Variants in FBXL17 observed in about 807,000 individuals in gnomAD.
FBXL17 encodes the protein F-box/LRR-repeat protein 17.
Under a neutral mutation model 66.2 loss-of-function variants are expected in FBXL17, and 22 were observed. That is an observed-to-expected ratio of 0.33 (90% CI 0.24 to 0.47). The LOEUF (loss-of-function observed/expected upper bound fraction) is 0.47, where lower values mean the gene tolerates loss of function less well. Ranked by LOEUF, FBXL17 falls within the 20% of genes least tolerant of loss-of-function variation. The pLI is 1.00. For missense variants in FBXL17, 878 were observed against 948.2 expected (o/e 0.93, Z 0.97); for synonymous variants, 474 against 400.5 (o/e 1.18, Z -2.19).
chr5:108,340,945 C>A (rs1180230844), intron 4 of FBXL17, among the ~76,000 whole-genome samples: 1 of 152,096 alleles, frequency 6.6e-6, no homozygotes, highest in Admixed American at 6.5e-5. Context: ...AGTGATTTGA[C>A]ATGATATAGA....
chr5:107,945,580 A>G (rs1436417627), intron 7 of FBXL17, among the ~76,000 whole-genome samples: 3 of 152,202 alleles, frequency 2.0e-5, no homozygotes, highest in Non-Finnish European at 4.4e-5. Flanking sequence ...AAATCTCAAA[A>G]GCATAATGCC....
intron 6 of FBXL17, among the ~76,000 whole-genome samples, chr5:108,030,742 A>C (rs17440916): frequency 2.0e-5 from 3 of 152,006 alleles, no homozygotes; most frequent in African/African-American, 4.8e-5. Context: ...TTGAGAGTTC[A>C]GGAGAAATAG....
At chr5:108,364,536 C>T (rs1276565494) in intron 3 of FBXL17, among the ~76,000 whole-genome samples, 1 of 151,920 alleles carries the variant, frequency 6.6e-6, no homozygotes, top group African/African-American at 2.4e-5. Flanking sequence ...CAGGCTCTCA[C>T]TATAAAACAA....
intron 4 of FBXL17, among the ~76,000 whole-genome samples, chr5:108,236,985 G>A (rs1459321207): frequency 6.6e-6 from 1 of 152,120 alleles, no homozygotes. Flanking sequence ...GAATAGTTTG[G>A]TTGTCTGACT....
chr5:108,353,853 C>T (rs917714587), intron 3 of FBXL17, among the ~76,000 whole-genome samples: 5 of 152,226 alleles, frequency 3.3e-5, no homozygotes, highest in Admixed American at 2.0e-4. Context: ...CATTCCTCCT[C>T]TCCCCACACC....
At chr5:108,210,746 T>C (rs981692278) in intron 5 of FBXL17, among the ~76,000 whole-genome samples, 19 of 152,206 alleles carry the variant, frequency 1.2e-4, no homozygotes, top group Admixed American at 1.1e-3. Context: ...TGGTCAATTT[T>C]AGAATAAGTG....
In FBXL17 at chr5:107,881,168, T is replaced by C. The variant is rs770890874; in HGVS notation, c.1834A>G (p.Ile612Val). The change falls in exon 8 of 9, where the codon ATT becomes GTT. Residue 612 changes from isoleucine (I) to valine (V), a missense_variant. Physicochemically the swap from Ile to Val is conservative, Grantham distance 29. Transcript: ENST00000542267. ...CKITDYALIA[I>V]GRYSMTIETV... Reference sequence around the variant, plus strand: ...TCTATTGTCATGCTGTATCGCCCAATGGCTATCAGTGCTGCAAGAAGGGAC... The same window carrying C: ...TCTATTGTCATGCTGTATCGCCCAACGGCTATCAGTGCTGCAAGAAGGGAC... The C allele has an allele frequency of 2.5e-6, 4 of 1,604,818 alleles. No individual in the cohort carries two copies. Among genetic ancestry groups the C allele is most frequent in the Middle Eastern group, 1.7e-4 (1 of 6,020 alleles).
At chr5:107,988,224 T>G (rs939561080) in intron 7 of FBXL17, among the ~76,000 whole-genome samples, 12 of 152,052 alleles carry the variant, frequency 7.9e-5, no homozygotes, top group Non-Finnish European at 1.3e-4. Flanking sequence ...CTGTGATTAG[T>G]CTGAAACCAA....
At chr5:108,167,235 T>C (rs1056264417) in intron 6 of FBXL17, among the ~76,000 whole-genome samples, 6 of 152,174 alleles carry the variant, frequency 3.9e-5, no homozygotes, top group African/African-American at 1.4e-4. Context: ...TGCTAGCGTC[T>C]TTACAAAGTT....
chr5:107,946,783 T>C (rs1375304285), intron 7 of FBXL17, among the ~76,000 whole-genome samples: 1 of 151,870 alleles, frequency 6.6e-6, no homozygotes, highest in Admixed American at 6.6e-5. Flanking sequence ...TTGTAAAAAA[T>C]AAAAAGAAAT....
At chr5:108,058,294 T>C (rs1394447440) in intron 6 of FBXL17, among the ~76,000 whole-genome samples, 2 of 152,218 alleles carry the variant, frequency 1.3e-5, no homozygotes, top group Admixed American at 1.3e-4. Context: ...GTAAATGTGA[T>C]TGCAAAGTTC....
At chr5:108,038,527 T>C (rs1231222216) in intron 6 of FBXL17, among the ~76,000 whole-genome samples, 1 of 152,130 alleles carries the variant, frequency 6.6e-6, no homozygotes, top group Non-Finnish European at 1.5e-5. Flanking sequence ...CCACAATAAA[T>C]GTGAAATTTC....
chr5:108,086,299 C>T (rs1027192499), intron 6 of FBXL17, among the ~76,000 whole-genome samples: 1 of 152,142 alleles, frequency 6.6e-6, no homozygotes, highest in Non-Finnish European at 1.5e-5. Flanking sequence ...ACAAAGAGGC[C>T]GGGAAAAATC....
chr5:108,096,172 C>T (rs1307833057), intron 6 of FBXL17, among the ~76,000 whole-genome samples: 1 of 152,126 alleles, frequency 6.6e-6, no homozygotes, highest in Non-Finnish European at 1.5e-5. Context: ...GTTAGTTATC[C>T]TTTGCATATG....
At chr5:108,285,625 T>C (rs918884640) in intron 4 of FBXL17, among the ~76,000 whole-genome samples, 1 of 151,802 alleles carries the variant, frequency 6.6e-6, no homozygotes, top group African/African-American at 2.4e-5. Flanking sequence ...GAGCAATAGG[T>C]CTCAAAAGCG....
intron 1 of FBXL17, among the ~76,000 whole-genome samples, chr5:108,372,885 T>C (rs952691280): frequency 6.6e-6 from 1 of 152,158 alleles, no homozygotes; most frequent in African/African-American, 2.4e-5. Flanking sequence ...AAGTGCATAT[T>C]ACTGTGTCTT....
intron 4 of FBXL17, among the ~76,000 whole-genome samples, chr5:108,233,129 G>A (rs999198302): frequency 2.0e-5 from 3 of 151,864 alleles, no homozygotes; most frequent in Admixed American, 2.0e-4. Context: ...AGTTGCAGGA[G>A]TTCTTTATAT....
intron 5 of FBXL17, among the ~76,000 whole-genome samples, chr5:108,201,203 C>T (rs17385448): frequency 0.14 from 22,026 of 152,126 alleles, 1,905 homozygotes; most frequent in South Asian, 0.32. Context: ...ATGGAGAACA[C>T]TTTCGTTCAT....
At chr5:108,025,725 G>GCA (rs1423190153) in intron 6 of FBXL17, among the ~76,000 whole-genome samples, 24 of 120,628 alleles carry the variant, frequency 2.0e-4, no homozygotes, top group Admixed American at 1.2e-3. Flanking sequence ...ACACGCGCGC[G>GCA]CGCACACACA....
Sources: gnomAD v4.1 joint callset for allele counts (sites outside exome capture counted in the v4.1 genomes callset) on GRCh38, gnomAD v4.1.1 for gene constraint, MANE v1.5 for transcripts, NCBI Gene and HGNC (gene_info 2026-07-23, HGNC 2026-07-21) for gene names.